Variants in TRAPPC3 observed in about 807,000 individuals in gnomAD.
TRAPPC3 encodes the protein trafficking protein particle complex 3.
A neutral mutation model predicts 18.2 loss-of-function variants in TRAPPC3; 5 were observed. The observed-to-expected ratio is 0.28, with a 90% CI of 0.14 to 0.58. TRAPPC3 has a LOEUF of 0.58. Ranked by LOEUF, TRAPPC3 falls within the 20% of genes least tolerant of loss-of-function variation. The pLI is 0.91. For missense variants in TRAPPC3, 176 were observed against 225.9 expected (o/e 0.78, Z 1.41); for synonymous variants, 65 against 84.2 (o/e 0.77, Z 1.25).
intron 1 of TRAPPC3, among the ~76,000 whole-genome samples, chr1:36,146,132 G>A (rs761004542): frequency 3.3e-5 from 5 of 151,736 alleles, no homozygotes; most frequent in Non-Finnish European, 5.9e-5. Context: ...AGGCGGGAGT[G>A]CCGTGGTGCC....
chr1:36,149,530 T>A, upstream of TRAPPC3: 4 of 985,150 alleles, frequency 4.1e-6, no homozygotes, highest in Non-Finnish European at 6.1e-6. Flanking sequence ...ACCACGGGAC[T>A]AGTGGTCCGG....
chr1:36,137,385 G>A, intron 4 of TRAPPC3, 63 bp from the exon 5 acceptor site: 2 of 1,563,690 alleles, frequency 1.3e-6, no homozygotes, highest in Non-Finnish European at 1.8e-6. Flanking sequence ...GAACCAGTGG[G>A]GATGGGGCAT....
chr1:36,149,233 C>A, intron 1 of TRAPPC3, 104 bp downstream of exon 1: 1 of 1,560,754 alleles, frequency 6.4e-7, no homozygotes. Context: ...TGCCAGAGCT[C>A]ACAGGAAGGC....
At chr1:36,145,371 T>C (rs1356361007) in intron 1 of TRAPPC3, among the ~76,000 whole-genome samples, 1 of 152,088 alleles carries the variant, frequency 6.6e-6, no homozygotes, top group Non-Finnish European at 1.5e-5. Context: ...ACTCATACTA[T>C]TTTTGTCAAA....
At chr1:36,139,436 G>A (rs1469433538) in intron 3 of TRAPPC3, 5 of 323,944 alleles carry the variant, frequency 1.5e-5, no homozygotes, top group African/African-American at 1.1e-4. Context: ...GATTACAGAT[G>A]TGAGCCACCA....
chr1:36,137,594 C>T (rs1363834985), intron 4 of TRAPPC3: 35 of 657,474 alleles, frequency 5.3e-5, no homozygotes, highest in Non-Finnish European at 8.4e-5. Context: ...ACTGACAGCA[C>T]CACCTTCCAC....
At chr1:36,148,974 A>G (rs900299527) in intron 1 of TRAPPC3, 26 of 870,868 alleles carry the variant, frequency 3.0e-5, no homozygotes, top group Admixed American at 1.8e-4. Context: ...TAAAACGGCA[A>G]TGTTATCCAT....
At chr1:36,155,288 C>CT (rs1402684403) in intron 1 of TRAPPC3, among the ~76,000 whole-genome samples, 1 of 152,188 alleles carries the variant, frequency 6.6e-6, no homozygotes, top group Admixed American at 6.5e-5. Context: ...CCTGGCTTGG[C>CT]TTGAAGCCCT....
chr1:36,152,577 T>C (rs1297659179), upstream of TRAPPC3, among the ~76,000 whole-genome samples: 1 of 152,198 alleles, frequency 6.6e-6, no homozygotes, highest in African/African-American at 2.4e-5. Flanking sequence ...CCCAGAGTGC[T>C]GGGATTACAG....
intron 3 of TRAPPC3, among the ~76,000 whole-genome samples, chr1:36,138,928 C>T (rs1274928619): frequency 6.6e-6 from 1 of 150,736 alleles, no homozygotes; most frequent in Non-Finnish European, 1.5e-5. Context: ...CGCAGCTACT[C>T]GGGAGGCTGA....
chr1:36,139,985 C>A (rs1644083599), intron 2 of TRAPPC3, 84 bp downstream of exon 2: 1 of 1,461,908 alleles, frequency 6.8e-7, no homozygotes, highest in East Asian at 2.3e-5. Context: ...GAGAGAGAAC[C>A]CTGTTTTAAG....
At chr1:36,144,440 C>G (rs935369388) in intron 1 of TRAPPC3, among the ~76,000 whole-genome samples, 2 of 151,746 alleles carry the variant, frequency 1.3e-5, no homozygotes, top group African/African-American at 4.8e-5. Flanking sequence ...GTCACCTGAG[C>G]CCAGGAGTTT....
At chr1:36,142,776 TC>T (rs1254979341) in intron 1 of TRAPPC3, among the ~76,000 whole-genome samples, 3 of 152,162 alleles carry the variant, frequency 2.0e-5, no homozygotes, top group African/African-American at 7.2e-5. Flanking sequence ...ATACTGGTAA[TC>T]CCGGCACTTT....
At chr1:36,150,614 A>G (rs1160744862), upstream of TRAPPC3, among the ~76,000 whole-genome samples, 1 of 152,218 alleles carries the variant, frequency 6.6e-6, no homozygotes, top group African/African-American at 2.4e-5. Context: ...CTGAGGCTGC[A>G]AGCTGGTGCC....
intron 3 of TRAPPC3, chr1:36,138,334 A>C: frequency 7.3e-7 from 1 of 1,379,002 alleles, no homozygotes; most frequent in Non-Finnish European, 9.9e-7. Flanking sequence ...CTGAGTGCAG[A>C]GGCCCTAACC....
At chr1:36,151,279 T>C (rs1021160965), upstream of TRAPPC3, among the ~76,000 whole-genome samples, 13 of 152,170 alleles carry the variant, frequency 8.5e-5, no homozygotes, top group Middle Eastern at 3.4e-3. Flanking sequence ...CCCCAGCACA[T>C]TGGGAGGCAA....
At chr1:36,153,434 C>T (rs1644285950), upstream of TRAPPC3, among the ~76,000 whole-genome samples, 1 of 152,208 alleles carries the variant, frequency 6.6e-6, no homozygotes, top group African/African-American at 2.4e-5. Context: ...ATCAGCAGCA[C>T]AGGAAACCTT....
At chr1:36,150,422 G>C (rs1644259751), upstream of TRAPPC3, among the ~76,000 whole-genome samples, 1 of 152,230 alleles carries the variant, frequency 6.6e-6, no homozygotes, top group Admixed American at 6.5e-5. Context: ...TTTGGTTTCA[G>C]CTCCCGCGGT....
chr1:36,149,129 G>T lies in TRAPPC3; in HGVS notation c.42+208C>A, dbSNP rs959094958. On this transcript the variant is annotated intron_variant, in intron 1 of 4. Transcript: ENST00000373166. ...TGGCTTAGCACAGAGCTGCACTCAG[G>T]CCTTGGGGGCGGGGTCTCCTCCGGG... The T allele has an allele frequency of 2.8e-6, 4 of 1,450,070 alleles. No homozygotes were observed. The African/African-American group carries it at 5.7e-5, about 21-fold the overall frequency. 89.8% of individuals were successfully genotyped at this position (1,450,070 alleles called of 1,614,324 possible).
Sources: gnomAD v4.1 joint callset for allele counts (sites outside exome capture counted in the v4.1 genomes callset) on GRCh38, gnomAD v4.1.1 for gene constraint, MANE v1.5 for transcripts, NCBI Gene and HGNC (gene_info 2026-07-23, HGNC 2026-07-21) for gene names.